The following B3GALT1 variants were observed in gnomAD, a reference collection of about 807,000 sequenced individuals.
B3GALT1 encodes the protein UDP-Gal:betaGlcNAc beta 1,3-galactosyltransferase, polypeptide 1.
Under a neutral mutation model 23.2 loss-of-function variants are expected in B3GALT1, and 10 were observed. That is an observed-to-expected ratio of 0.43 (90% CI 0.27 to 0.73). The LOEUF (loss-of-function observed/expected upper bound fraction) is 0.73, where lower values mean the gene tolerates loss of function less well. B3GALT1 is among the 30% of genes least tolerant of loss of function. The pLI, the probability that B3GALT1 is intolerant of heterozygous loss-of-function variation, is 0.21. For synonymous variants in B3GALT1, 156 were observed against 141.5 expected (o/e 1.10, Z -0.73); for missense variants, 299 against 405.4 (o/e 0.74, Z 2.25).
chr2:167,592,777 G>A (rs924007057), intron 2 of B3GALT1, among the ~76,000 whole-genome samples: 2 of 152,150 alleles, frequency 1.3e-5, no homozygotes, highest in Non-Finnish European at 2.9e-5. Flanking sequence ...TTGAGGGGAG[G>A]AGCATGGTTA....
rs1440269511 is a variant in B3GALT1, at chr2:167,364,342, T to A, written c.-511+71008T>A. Among the ~76,000 whole-genome samples the A allele has an allele frequency of 6.4e-4, 91 of 142,192 alleles. 2 individuals carry two copies. The highest frequency in any genetic ancestry group is 1.0e-3 in the African/African-American group (39 of 39,120). 93.3% of individuals were successfully genotyped at this position (142,192 alleles called of 152,430 possible). A position where few individuals can be genotyped will look rare whatever the true frequency, so the allele number is the denominator to read the frequency against. Reference sequence around the variant, plus strand: ...ACTGTTTTCATATATATATATAGTTTTTTTTTTCATTTTTTTATTATACTT... The same window carrying A: ...ACTGTTTTCATATATATATATAGTTATTTTTTTCATTTTTTTATTATACTT... On this transcript the variant is annotated intron_variant, in intron 1 of 4. Coordinates refer to ENST00000392690, the MANE Select transcript of B3GALT1 (RefSeq NM_020981.4).
At chr2:167,653,388 G>T (rs982831335) in intron 3 of B3GALT1, among the ~76,000 whole-genome samples, 3 of 152,194 alleles carry the variant, frequency 2.0e-5, no homozygotes, top group Middle Eastern at 3.4e-3. Flanking sequence ...AAAATTCCAT[G>T]AGTTCTTTTG....
Position 167,372,588 on chromosome 2 carries a change from A to G in B3GALT1, c.-511+79254A>G, listed in dbSNP as rs531412768. 1.9e-4 allele frequency among the ~76,000 whole-genome samples: 29 copies of G among 152,228 alleles called. No individual in the cohort carries two copies. The South Asian group carries it at 6.0e-3, about 32-fold the overall frequency. On this transcript the variant is annotated intron_variant, in intron 1 of 4. Transcript: ENST00000392690. ...CATAATTGTTTATTTAGAAAACCCT[A>G]AATAGTCTAAAGACTAACTTCTAAA...
intron 1 of B3GALT1, among the ~76,000 whole-genome samples, chr2:167,383,318 A>G (rs1333133227): frequency 2.0e-5 from 3 of 152,100 alleles, no homozygotes; most frequent in Non-Finnish European, 4.4e-5. Flanking sequence ...TTATTCAAGA[A>G]AGGAGCTCCA....
At chr2:167,808,117 A>T (rs1688797860) in intron 3 of B3GALT1, among the ~76,000 whole-genome samples, 1 of 151,496 alleles carries the variant, frequency 6.6e-6, no homozygotes, top group Non-Finnish European at 1.5e-5. Context: ...AGAGACTAGG[A>T]TTGCAACCCC....
intron 2 of B3GALT1, among the ~76,000 whole-genome samples, chr2:167,501,805 C>G (rs899666243): frequency 6.7e-6 from 1 of 148,396 alleles, no homozygotes; most frequent in African/African-American, 2.5e-5. Flanking sequence ...TGAACTTTAT[C>G]TTGAAGTACC....
intron 3 of B3GALT1, among the ~76,000 whole-genome samples, chr2:167,742,292 A>T (rs1687588404): frequency 6.6e-6 from 1 of 152,154 alleles, no homozygotes; most frequent in South Asian, 2.1e-4. Context: ...TGCCTGATGG[A>T]TGCAGAGTAC....
rs78026147 is a variant in B3GALT1 at position 167,602,271 on chromosome 2, A to G, written c.-409-44638A>G. Among the ~76,000 whole-genome samples, 1,104 of 152,308 alleles carry G rather than the reference A, an allele frequency of 7.2e-3. 10 individuals carry two copies. The highest frequency in any genetic ancestry group is 0.01 in the Non-Finnish European group (704 of 68,032). ...GAAACAGCAGTGTACAGAGAGCTGC[A>G]GCTATCATTTTTCAGAGCTAAATGA... On this transcript the variant is annotated intron_variant, in intron 2 of 4. Coordinates refer to ENST00000392690, the MANE Select transcript of B3GALT1 (RefSeq NM_020981.4).
chr2:167,417,096 G>A (rs971635034), intron 1 of B3GALT1, among the ~76,000 whole-genome samples: 1 of 152,152 alleles, frequency 6.6e-6, no homozygotes, highest in African/African-American at 2.4e-5. Context: ...CATTTTGGGA[G>A]GCCAGGGGTG....
intron 1 of B3GALT1, among the ~76,000 whole-genome samples, chr2:167,339,608 T>C (rs930669185): frequency 6.6e-6 from 1 of 152,134 alleles, no homozygotes; most frequent in African/African-American, 2.4e-5. Context: ...GGATGATACA[T>C]TGGTGTTTGA....
At chr2:167,686,555 T>G (rs1420525556) in intron 3 of B3GALT1, among the ~76,000 whole-genome samples, 1 of 152,186 alleles carries the variant, frequency 6.6e-6, no homozygotes, top group Non-Finnish European at 1.5e-5. Flanking sequence ...GCTATATTGT[T>G]ACTTATTTGA....
chr2:167,863,261 A>C (rs1690141182), intron 4 of B3GALT1, among the ~76,000 whole-genome samples: 1 of 152,062 alleles, frequency 6.6e-6, no homozygotes, highest in Non-Finnish European at 1.5e-5. Context: ...ACGAAGCTGG[A>C]TGAACAAACC....
chr2:167,361,706 A>G (rs914155138), intron 1 of B3GALT1, among the ~76,000 whole-genome samples: 7 of 152,170 alleles, frequency 4.6e-5, no homozygotes, highest in African/African-American at 1.4e-4. Context: ...GACAGCCAAC[A>G]CCAATCAACA....
rs568496716 is a variant in B3GALT1 at position 167,569,454 on chromosome 2, G to T, written c.-409-77455G>T. Among the ~76,000 whole-genome samples the T allele has an allele frequency of 6.6e-5, 10 of 151,900 alleles. No individual in the cohort carries two copies. The East Asian group carries it at 7.7e-4, about 12-fold the overall frequency. On this transcript the variant is annotated intron_variant, in intron 2 of 4. Coordinates refer to ENST00000392690, the MANE Select transcript of B3GALT1 (RefSeq NM_020981.4). ...ACCCAAGTATTTCATTTTTGGTGGT[G>T]CTAATTTAACTGGTATTGTGTTTTA...
chr2:167,652,951 CAT>C (rs1417323646), intron 3 of B3GALT1, among the ~76,000 whole-genome samples: 12 of 152,242 alleles, frequency 7.9e-5, no homozygotes, highest in South Asian at 6.2e-4. Flanking sequence ...CCTATGTACA[CAT>C]GTGTGTACAT....
At chr2:167,712,242 C>T (rs555799191) in intron 3 of B3GALT1, among the ~76,000 whole-genome samples, 10 of 152,112 alleles carry the variant, frequency 6.6e-5, no homozygotes, top group Non-Finnish European at 8.8e-5. Flanking sequence ...TCAATTTAAC[C>T]TACTACTGTA....
intron 3 of B3GALT1, among the ~76,000 whole-genome samples, chr2:167,690,789 T>G (rs977444502): frequency 2.0e-5 from 3 of 152,154 alleles, no homozygotes; most frequent in African/African-American, 7.2e-5. Context: ...AAGTCTTTGA[T>G]CTGAAGTAAG....
chr2:167,568,430 T>C (rs1684219005), intron 2 of B3GALT1, among the ~76,000 whole-genome samples: 1 of 152,064 alleles, frequency 6.6e-6, no homozygotes, highest in African/African-American at 2.4e-5. Context: ...ATTTTGGTCA[T>C]TCTAATAGAT....
At chr2:167,511,338 G>T (rs1322616189) in intron 2 of B3GALT1, among the ~76,000 whole-genome samples, 1 of 152,124 alleles carries the variant, frequency 6.6e-6, no homozygotes, top group East Asian at 1.9e-4. Context: ...TTCTGTTCTT[G>T]TGATATGGAA....
Sources: allele counts gnomAD v4.1 joint callset (sites outside exome capture counted in the v4.1 genomes callset), GRCh38; gene constraint gnomAD v4.1.1; transcripts MANE v1.5; gene names NCBI Gene and HGNC (gene_info 2026-07-23, HGNC 2026-07-21).